The following KIAA1217 variants were observed in gnomAD, a reference collection of about 807,000 sequenced individuals.
KIAA1217 encodes the protein sickle tail protein homolog.
A neutral mutation model predicts 163.9 loss-of-function variants in KIAA1217; 88 were observed. The ratio of observed to expected loss-of-function variants is 0.54; its 90% CI spans 0.45 to 0.64. The LOEUF (loss-of-function observed/expected upper bound fraction) is 0.64. KIAA1217 is among the 30% of genes least tolerant of loss of function. The pLI is 0.00. For synonymous variants in KIAA1217, 903 were observed against 923.1 expected (o/e 0.98, Z 0.39); for missense variants, 2,372 against 2,475.0 (o/e 0.96, Z 0.88).
chr10:24,300,083 C>A (rs559643907), intron 2 of KIAA1217, among the ~76,000 whole-genome samples: 1 of 152,298 alleles, frequency 6.6e-6, no homozygotes, highest in African/African-American at 2.4e-5. Flanking sequence ...AACACTGATG[C>A]CGAGGCTACG....
intron 1 of KIAA1217, among the ~76,000 whole-genome samples, chr10:23,704,311 T>G (rs948089753): frequency 1.3e-5 from 2 of 149,014 alleles, no homozygotes; most frequent in Admixed American, 6.7e-5. Context: ...ATAATTCTTA[T>G]AGTGTACAAT....
intron 1 of KIAA1217, among the ~76,000 whole-genome samples, chr10:23,917,234 C>T (rs1252617757): frequency 6.6e-6 from 1 of 152,124 alleles, no homozygotes; most frequent in Non-Finnish European, 1.5e-5. Flanking sequence ...TGCACGCAGA[C>T]CTCCACTGAG....
intron 2 of KIAA1217, among the ~76,000 whole-genome samples, chr10:24,379,915 G>T (rs2053061641): frequency 6.6e-6 from 1 of 152,146 alleles, no homozygotes; most frequent in South Asian, 2.1e-4. Flanking sequence ...AGCTGGGCAT[G>T]ATGGTACATG....
chr10:24,079,212 G>A (rs113403438), intron 2 of KIAA1217, among the ~76,000 whole-genome samples: 1,603 of 152,308 alleles, frequency 0.011, 12 homozygotes, highest in Middle Eastern at 0.017. Context: ...AAAGATGAAT[G>A]AGCAAAGAAA....
chr10:24,544,282 A>C lies in KIAA1217; in HGVS notation c.5012A>C (p.Gln1671Pro). 6.2e-7 allele frequency: 1 copy of C among 1,614,196 alleles called. No homozygotes were observed. Among genetic ancestry groups the C allele is most frequent in the Non-Finnish European group, 8.5e-7 (1 of 1,180,050 alleles). ...TACAGAACATTGGATAGCCTGGAGC[A>C]GACCATTAAACAGCTCGAAAATACA... is the stretch of plus-strand genomic sequence containing the variant. ...NTYRTLDSLEQTIKQLENTIS... is the reference protein window; with the variant it reads ...NTYRTLDSLEPTIKQLENTIS... Residue 1671 changes from glutamine (Q) to proline (P), a missense_variant, in exon 19 of 21, where the codon CAG becomes CCG. Transcript: ENST00000376454.
At chr10:23,931,593 G>T (rs1431962497) in intron 1 of KIAA1217, among the ~76,000 whole-genome samples, 1 of 152,104 alleles carries the variant, frequency 6.6e-6, no homozygotes, top group African/African-American at 2.4e-5. Flanking sequence ...ATGTCCACAT[G>T]GTCATGATAG....
chr10:23,787,826 T>C (rs925655607), intron 1 of KIAA1217, among the ~76,000 whole-genome samples: 12 of 152,290 alleles, frequency 7.9e-5, no homozygotes, highest in Non-Finnish European at 1.2e-4. Context: ...ATTTTTTTTT[T>C]AGGACAGAAA....
intron 2 of KIAA1217, among the ~76,000 whole-genome samples, chr10:24,240,353 G>T (rs1196740620): frequency 1.3e-5 from 2 of 152,208 alleles, no homozygotes; most frequent in African/African-American, 4.8e-5. Context: ...TGGGAATTTG[G>T]ACTTTTGAAA....
At chr10:24,454,672 G>T (rs1007429886) in intron 5 of KIAA1217, among the ~76,000 whole-genome samples, 11 of 152,164 alleles carry the variant, frequency 7.2e-5, no homozygotes, top group Non-Finnish European at 1.5e-4. Flanking sequence ...TCTAGTGCCA[G>T]TCCTTGCAGT....
chr10:24,203,217 A>G (rs546764509), intron 2 of KIAA1217, among the ~76,000 whole-genome samples: 44 of 151,724 alleles, frequency 2.9e-4, no homozygotes, highest in Middle Eastern at 3.4e-3. Context: ...AAGAAGAGAG[A>G]TACCTCCCCT....
chr10:24,224,633 CT>C (rs2070197671), intron 2 of KIAA1217, among the ~76,000 whole-genome samples: 1 of 151,698 alleles, frequency 6.6e-6, no homozygotes, highest in African/African-American at 2.4e-5. Flanking sequence ...ATGGCTTAAT[CT>C]TTCTCTGTTT....
chr10:24,180,120 TG>T (rs1193578216), intron 2 of KIAA1217, among the ~76,000 whole-genome samples: 5 of 152,148 alleles, frequency 3.3e-5, no homozygotes, highest in Non-Finnish European at 7.3e-5. Context: ...GAGTTCCTTC[TG>T]TATCTGCTGT....
At chr10:23,909,365 TA>T (rs781299489) in intron 1 of KIAA1217, among the ~76,000 whole-genome samples, 295 of 151,440 alleles carry the variant, frequency 1.9e-3, no homozygotes, top group Non-Finnish European at 3.3e-3. Flanking sequence ...TAAAAAAAAT[TA>T]AAAAATAATA....
chr10:23,859,981 T>A (rs894930952), intron 1 of KIAA1217, among the ~76,000 whole-genome samples: 5 of 152,130 alleles, frequency 3.3e-5, no homozygotes, highest in Non-Finnish European at 7.4e-5. Context: ...ATATGCTCAT[T>A]TGAGTAATGG....
intron 1 of KIAA1217, among the ~76,000 whole-genome samples, chr10:23,794,367 A>G (rs78082365): frequency 4.1e-4 from 63 of 152,308 alleles, no homozygotes; most frequent in African/African-American, 1.3e-3. Flanking sequence ...TTGATTCGTA[A>G]GGAAACCGAC....
chr10:24,507,284 T>C (rs1322128422), intron 9 of KIAA1217, among the ~76,000 whole-genome samples: 1 of 152,122 alleles, frequency 6.6e-6, no homozygotes, highest in Non-Finnish European at 1.5e-5. Context: ...CACTCAAAAA[T>C]TACTAGACAT....
chr10:24,524,037 A>G (rs2071714752), intron 12 of KIAA1217, among the ~76,000 whole-genome samples: 1 of 152,230 alleles, frequency 6.6e-6, no homozygotes, highest in Admixed American at 6.5e-5. Context: ...AGAACTAAGC[A>G]TATTTGAGGG....
At chr10:23,817,990 T>TAC (rs1160767519) in intron 1 of KIAA1217, among the ~76,000 whole-genome samples, 1 of 116,726 alleles carries the variant, frequency 8.6e-6, no homozygotes, top group African/African-American at 3.7e-5. Context: ...TATATATATA[T>TAC]ATATATATAT....
At chr10:23,881,131 T>G (rs929731662) in intron 1 of KIAA1217, among the ~76,000 whole-genome samples, 8 of 151,902 alleles carry the variant, frequency 5.3e-5, no homozygotes, top group African/African-American at 1.4e-4. Flanking sequence ...ATGGTTCTAG[T>G]AGTTCACTAT....
Sources: gnomAD v4.1 joint callset for allele counts (sites outside exome capture counted in the v4.1 genomes callset) on GRCh38, gnomAD v4.1.1 for gene constraint, MANE v1.5 for transcripts, NCBI Gene and HGNC (gene_info 2026-07-23, HGNC 2026-07-21) for gene names.